The following FANK1 variants were observed in gnomAD, a reference collection of about 807,000 sequenced individuals.
FANK1 encodes the protein fibronectin type 3 and ankyrin repeat domains protein 1.
In FANK1, 44 loss-of-function variants were observed where a neutral mutation model predicts 45.3. The observed-to-expected ratio is 0.97, with a 90% confidence interval of 0.76 to 1.25. FANK1 has a LOEUF of 1.25. FANK1 is among the 50% of genes most tolerant of loss of function. The pLI is 0.00. For synonymous variants in FANK1, 149 were observed against 152.5 expected (o/e 0.98, Z 0.17); for missense variants, 391 against 424.4 (o/e 0.92, Z 0.69).
chr10:125,940,486 C>T (rs753351205), intron 1 of FANK1, among the ~76,000 whole-genome samples: 2 of 152,324 alleles, frequency 1.3e-5, no homozygotes, highest in Non-Finnish European at 2.9e-5. Context: ...CAGCATATCT[C>T]GCCTCCAGCC....
At chr10:125,919,195 A>ATTTTTTTTTTTTTTTTTTTTTTGTTTTTT in intron 1 of FANK1, among the ~76,000 whole-genome samples, 1 of 51,862 alleles carries the variant, frequency 1.9e-5, no homozygotes, top group Non-Finnish European at 3.4e-5. Flanking sequence ...GGAGGTAAGA[A>ATTTTTTTTTTTTTTTTTTTTTTGTTTTTT]TTTTTTTTTT....
rs373767283 is a variant in FANK1, at chr10:125,918,086, GAAAA to G, written c.13+21437_13+21440del. ...CAGAGTGAGACCCTGTCAGAAAAAA[GAAAA>G]AAAAAGGGTAGTTTGGTGGTTGCCA... On this transcript the variant is annotated intron_variant, in intron 1 of 10. Transcript: ENST00000368693. 6.4e-5 allele frequency among the ~76,000 whole-genome samples: 9 copies of G among 141,012 alleles called. No individual in the cohort carries two copies. The East Asian group carries it at 1.0e-3, about 16-fold the overall frequency. 92.5% of individuals were successfully genotyped at this position (141,012 alleles called of 152,430 possible).
At chr10:125,991,132 C>T (rs1951899481) in intron 3 of FANK1, among the ~76,000 whole-genome samples, 1 of 152,214 alleles carries the variant, frequency 6.6e-6, no homozygotes, top group South Asian at 2.1e-4. Context: ...CCCCACTGAG[C>T]TGGCTCCAGA....
In FANK1 at chr10:125,980,159, A is replaced by G. The variant is rs1049513734; in HGVS notation, c.14-2A>G. ...GAAGTTCGGTGTCATTCTTTTTTTT[A>G]GAAATCATGCCACCCTCAAAGCCTC... On this transcript the variant is annotated splice_acceptor_variant, in intron 1 of 10. Transcript: ENST00000368693. LOFTEE classifies it high-confidence loss of function. 1 of 1,603,776 alleles carries G rather than the reference A, an allele frequency of 6.2e-7. No individual in the cohort carries two copies.
chr10:125,941,441 T>C (rs1431533795), intron 1 of FANK1, among the ~76,000 whole-genome samples: 1 of 152,250 alleles, frequency 6.6e-6, no homozygotes, highest in Non-Finnish European at 1.5e-5. Context: ...TGGAAACTCA[T>C]ACTTCTGGGG....
intron 2 of FANK1, among the ~76,000 whole-genome samples, chr10:125,986,148 CT>C (rs34327125): frequency 2.0e-5 from 3 of 152,132 alleles, no homozygotes; most frequent in African/African-American, 7.2e-5. Context: ...CATTTGGCTT[CT>C]TTTAGGTGAA....
At chr10:126,006,251 G>A (rs1401587908) in intron 7 of FANK1, among the ~76,000 whole-genome samples, 1 of 152,202 alleles carries the variant, frequency 6.6e-6, no homozygotes, top group Non-Finnish European at 1.5e-5. Context: ...GGGTAATTGA[G>A]GGAAAGTGAG....
chr10:125,917,080 G>C (rs1292530036), intron 1 of FANK1, among the ~76,000 whole-genome samples: 4 of 152,068 alleles, frequency 2.6e-5, no homozygotes. Context: ...CCATTCTTTT[G>C]GGCTGAGCTC....
In FANK1 at chr10:126,009,225, G is replaced by T; in HGVS notation, c.931G>T (p.Gly311Cys). Residue 311 changes from glycine (G) to cysteine (C), a missense_variant, in exon 10 of 11, where the codon GGC (glycine) becomes TGC (cysteine). Transcript: ENST00000368693. ...GADASVKNEF[G>C]KGVLEMARVF... ...TTTTTGTTGTTTCCTGTTTCAGTTC[G>T]GCAAAGGTGTCCTAGAAATGGCCAG... 1 of 1,614,126 alleles carries T rather than the reference G, an allele frequency of 6.2e-7. No individual in the cohort carries two copies. Among genetic ancestry groups the T allele is most frequent in the South Asian group, 1.1e-5 (1 of 91,084 alleles).
Position 125,898,426 on chromosome 10 carries a change from C to G in FANK1, c.13+1771C>G, listed in dbSNP as rs549773563. 1.6e-4 allele frequency among the ~76,000 whole-genome samples: 25 copies of G among 151,854 alleles called. No homozygotes were observed. In the South Asian group the frequency reaches 2.3e-3, roughly 14 times the overall value. On this transcript the variant is annotated intron_variant, in intron 1 of 10. Transcript: ENST00000368693. Reference sequence around the variant, plus strand: ...GAACTCCTGAGGTCTTGGTGGGGTTCGGAGATTGGGGGAAGAGGAGATGGA... The same window carrying G: ...GAACTCCTGAGGTCTTGGTGGGGTTGGGAGATTGGGGGAAGAGGAGATGGA...
At chr10:125,988,049 T>TC (rs748172167) in intron 2 of FANK1, among the ~76,000 whole-genome samples, 18 of 152,222 alleles carry the variant, frequency 1.2e-4, no homozygotes, top group South Asian at 2.1e-4. Flanking sequence ...CTGCCTGAGC[T>TC]CCCAGCTCTA....
chr10:125,939,538 TTCTG>T (rs1330873432), intron 1 of FANK1, among the ~76,000 whole-genome samples: 2 of 152,222 alleles, frequency 1.3e-5, no homozygotes, highest in Admixed American at 6.5e-5. Context: ...TCTTTTATCT[TTCTG>T]TAGGTATAGA....
intron 1 of FANK1, among the ~76,000 whole-genome samples, chr10:125,918,585 A>AT (rs1447823480): frequency 1.7e-4 from 12 of 70,968 alleles, no homozygotes; most frequent in African/African-American, 5.6e-4. Context: ...AAAAAAAAAA[A>AT]ATATATATAT....
intron 1 of FANK1, among the ~76,000 whole-genome samples, chr10:125,931,786 C>T (rs1947768993): frequency 6.6e-6 from 1 of 152,142 alleles, no homozygotes; most frequent in South Asian, 2.1e-4. Context: ...CCTTGCTAAG[C>T]CAATGTCTAG....
At chr10:125,907,494 C>T (rs1284708602) in intron 1 of FANK1, 16 of 985,042 alleles carry the variant, frequency 1.6e-5, no homozygotes, top group East Asian at 1.1e-4. Context: ...TGGATGAAAT[C>T]GAGTGAACGT....
chr10:125,970,847 G>C (rs1303112823), intron 1 of FANK1, among the ~76,000 whole-genome samples: 1 of 151,940 alleles, frequency 6.6e-6, no homozygotes, highest in African/African-American at 2.4e-5. Context: ...TGGAAAGCAG[G>C]AGACGGGAGA....
chr10:125,978,240 A>G (rs564451514), intron 1 of FANK1, among the ~76,000 whole-genome samples: 1 of 151,520 alleles, frequency 6.6e-6, no homozygotes, highest in East Asian at 2.0e-4. Flanking sequence ...TGTCGGCCCA[A>G]AGGCACCTGT....
intron 1 of FANK1, among the ~76,000 whole-genome samples, chr10:125,958,143 A>G (rs1484210178): frequency 6.6e-6 from 1 of 152,076 alleles, no homozygotes; most frequent in Non-Finnish European, 1.5e-5. Context: ...TCTAGAACTA[A>G]TTCCTCCTAT....
Position 125,988,556 on chromosome 10 carries a change from A to G in FANK1, c.197A>G (p.Tyr66Cys), listed in dbSNP as rs768041350. 4.6e-5 allele frequency: 74 copies of G among 1,614,012 alleles called. No individual in the cohort carries two copies. Among genetic ancestry groups the G allele is most frequent in the Non-Finnish European group, 6.0e-5 (71 of 1,179,996 alleles). The part of the protein sequence containing the change: ...MHTYGIIYTG[Y>C]ATKHVVEGLE... ...GTTTGTCTCCTCCTGTCTAGGGGAT[A>G]TGCAACGAAGCATGTTGTTGAAGGT... The change falls in exon 3 of 11, where the codon TAT becomes TGT. Residue 66 changes from tyrosine to cysteine, a missense_variant. Physicochemically the swap from Tyr to Cys is radical, Grantham distance 194. Transcript: ENST00000368693.
Sources: gnomAD v4.1 joint callset for allele counts (sites outside exome capture counted in the v4.1 genomes callset) on GRCh38, gnomAD v4.1.1 for gene constraint, MANE v1.5 for transcripts, NCBI Gene and HGNC (gene_info 2026-07-23, HGNC 2026-07-21) for gene names.